The following ITFG1 variants were observed in gnomAD, a reference collection of about 807,000 sequenced individuals.
The protein encoded by ITFG1 is T-cell immunomodulatory protein.
ITFG1 carries 34 observed loss-of-function variants against 81.8 expected under a neutral mutation model. The observed-to-expected ratio is 0.42, with a 90% CI of 0.32 to 0.55. The LOEUF (loss-of-function observed/expected upper bound fraction) is 0.55, where lower values mean the gene tolerates loss of function less well. Among genes scored for constraint, ITFG1 ranks in the 20% least tolerant of loss-of-function variants. The pLI is 0.17. For missense variants in ITFG1, 672 were observed against 755.4 expected (o/e 0.89, Z 1.29); for synonymous variants, 285 against 270.6 (o/e 1.05, Z -0.52).
intron 10 of ITFG1, among the ~76,000 whole-genome samples, chr16:47,292,529 A>G (rs1966921036): frequency 6.6e-6 from 1 of 152,156 alleles, no homozygotes; most frequent in African/African-American, 2.4e-5. Context: ...TTATTTACTC[A>G]TGAATACTCA....
intron 14 of ITFG1, among the ~76,000 whole-genome samples, chr16:47,167,783 C>A (rs1359983777): frequency 6.6e-6 from 1 of 152,136 alleles, no homozygotes; most frequent in African/African-American, 2.4e-5. Flanking sequence ...AATAATATTC[C>A]ATTTTATGTA....
intron 6 of ITFG1, among the ~76,000 whole-genome samples, chr16:47,406,218 C>A (rs947000269): frequency 6.6e-6 from 1 of 152,084 alleles, no homozygotes; most frequent in African/African-American, 2.4e-5. Flanking sequence ...CTTATGATAT[C>A]TTAAGGTTGG....
chr16:47,337,690 C>T (rs1261154238), intron 8 of ITFG1, among the ~76,000 whole-genome samples: 2 of 152,178 alleles, frequency 1.3e-5, no homozygotes, highest in South Asian at 2.1e-4. Flanking sequence ...CCAATAAAAT[C>T]GCAATTGCGA....
intron 13 of ITFG1, among the ~76,000 whole-genome samples, chr16:47,234,521 T>G (rs1489206365): frequency 6.6e-6 from 1 of 152,002 alleles, no homozygotes; most frequent in East Asian, 1.9e-4. Context: ...ATTTCCAAAA[T>G]TCATGACAGA....
At chr16:47,438,307 A>ATT (rs368186157) in intron 5 of ITFG1, among the ~76,000 whole-genome samples, 86 of 152,358 alleles carry the variant, frequency 5.6e-4, no homozygotes, top group African/African-American at 1.9e-3. Flanking sequence ...GCAGACTTAA[A>ATT]TATCTCTGTC....
intron 12 of ITFG1, among the ~76,000 whole-genome samples, chr16:47,251,874 T>C (rs527936351): frequency 6.6e-6 from 1 of 152,370 alleles, no homozygotes; most frequent in African/African-American, 2.4e-5. Context: ...TATTTTCTTG[T>C]ACTGTACTCA....
intron 17 of ITFG1, chr16:47,157,640 G>A (rs1196940370): frequency 6.6e-6 from 1 of 152,138 alleles, no homozygotes; most frequent in Admixed American, 6.5e-5. Context: ...CTCTTAAGTT[G>A]CAATCTTAAG....
chr16:47,461,211 A>AG, upstream of ITFG1: 1 of 967,178 alleles, frequency 1.0e-6, no homozygotes, highest in Non-Finnish European at 1.5e-6. Context: ...ACGCTAAAAA[A>AG]GCAGTGGAGC....
intron 8 of ITFG1, among the ~76,000 whole-genome samples, chr16:47,323,301 A>G (rs1967476774): frequency 6.6e-6 from 1 of 152,154 alleles, no homozygotes; most frequent in East Asian, 1.9e-4. Flanking sequence ...TCATGGGAGG[A>G]GAATCATAGG....
intron 10 of ITFG1, among the ~76,000 whole-genome samples, chr16:47,272,676 G>A (rs951200715): frequency 5.9e-5 from 9 of 152,064 alleles, no homozygotes; most frequent in African/African-American, 1.7e-4. Flanking sequence ...GATTACGGGC[G>A]TGAGCCATTG....
chr16:47,347,033 A>G (rs1039666343), intron 8 of ITFG1, among the ~76,000 whole-genome samples: 20 of 152,328 alleles, frequency 1.3e-4, no homozygotes, highest in African/African-American at 4.6e-4. Context: ...ACCAAATTCA[A>G]CAACACATTA....
At chr16:47,410,500 T>C (rs1295515870) in intron 6 of ITFG1, among the ~76,000 whole-genome samples, 1 of 151,726 alleles carries the variant, frequency 6.6e-6, no homozygotes, top group African/African-American at 2.4e-5. Flanking sequence ...AAGACTAAAA[T>C]ATTGAGTAAA....
intron 14 of ITFG1, among the ~76,000 whole-genome samples, chr16:47,182,180 A>T (rs75736660): frequency 7.1e-6 from 1 of 140,330 alleles, no homozygotes; most frequent in Non-Finnish European, 1.6e-5. Flanking sequence ...ATGATCAATT[A>T]AAAAAAAAAA....
chr16:47,416,201 C>T (rs1968872868), intron 6 of ITFG1, among the ~76,000 whole-genome samples: 1 of 151,542 alleles, frequency 6.6e-6, no homozygotes. Flanking sequence ...CAAAATCAGG[C>T]ACCAGAGCAA....
intron 14 of ITFG1, among the ~76,000 whole-genome samples, chr16:47,184,111 A>C (rs569713904): frequency 6.6e-6 from 1 of 152,340 alleles, no homozygotes; most frequent in East Asian, 1.9e-4. Context: ...AAAGCCTCCA[A>C]GAAATATGGG....
In ITFG1 at chr16:47,181,139, C is replaced by T. The variant is rs996808519; in HGVS notation, c.1454-18475G>A. On this transcript the variant is annotated intron_variant, in intron 14 of 17. Transcript: ENST00000320640. The stretch of plus-strand genomic sequence containing the variant: ...CCATCGTCTGAGATGTGGGGAGCGC[C>T]GCTGCCCCACCGCCCCATCTGGGAT... 6.8e-4 allele frequency among the ~76,000 whole-genome samples: 102 copies of T among 150,048 alleles called. 1 individual carries two copies. The highest frequency in any genetic ancestry group is 2.3e-3 in the African/African-American group (95 of 40,794).
rs570181669 is a variant in ITFG1, at chr16:47,172,114, G to C, written c.1454-9450C>G. Among the ~76,000 whole-genome samples the C allele has an allele frequency of 2.8e-4, 42 of 152,196 alleles. 1 individual carries two copies. Among genetic ancestry groups the C allele is most frequent in the Non-Finnish European group, 5.9e-5 (4 of 68,018 alleles). ...ATAGACTGCCAGTCTCTGAACTCTA[G>C]GCTCTCATATCAAACTAAATGCTAA... On this transcript the variant is annotated intron_variant, in intron 14 of 17. Transcript: ENST00000320640.
chr16:47,338,687 G>A (rs1315131769), intron 8 of ITFG1, among the ~76,000 whole-genome samples: 4 of 150,406 alleles, frequency 2.7e-5, no homozygotes, highest in Non-Finnish European at 5.9e-5. Context: ...TAATTTTTGT[G>A]GGTACATAGA....
intron 5 of ITFG1, among the ~76,000 whole-genome samples, chr16:47,442,127 T>C (rs1383613410): frequency 1.3e-5 from 2 of 152,126 alleles, no homozygotes; most frequent in Non-Finnish European, 2.9e-5. Context: ...TTACAAGGGA[T>C]GTGAAGGACC....
Sources: gnomAD v4.1 joint callset for allele counts (sites outside exome capture counted in the v4.1 genomes callset) on GRCh38, gnomAD v4.1.1 for gene constraint, MANE v1.5 for transcripts, NCBI Gene and HGNC (gene_info 2026-07-23, HGNC 2026-07-21) for gene names.